The following PCDH7 variants were observed in gnomAD, a reference collection of about 807,000 sequenced individuals.
The protein encoded by PCDH7 is protocadherin-7.
PCDH7 carries 17 observed loss-of-function variants against 58.9 expected under a neutral mutation model. That is an observed-to-expected ratio of 0.29 (90% CI 0.20 to 0.43). The LOEUF is 0.43. Among genes scored for constraint, PCDH7 ranks in the 20% least tolerant of loss-of-function variants. The pLI, the probability that PCDH7 is intolerant of heterozygous loss-of-function variation, is 1.00. For missense variants in PCDH7, 1,274 were observed against 1,441.0 expected (o/e 0.88, Z 1.88); for synonymous variants, 664 against 616.4 (o/e 1.08, Z -1.14).
intron 1 of PCDH7, among the ~76,000 whole-genome samples, chr4:30,889,917 C>T (rs756986916): frequency 2.0e-5 from 3 of 152,110 alleles, no homozygotes; most frequent in Non-Finnish European, 4.4e-5. Flanking sequence ...GAAATTGATC[C>T]TAATATGCTA....
At chr4:30,903,895 T>C (rs764243039) in intron 1 of PCDH7, among the ~76,000 whole-genome samples, 1 of 152,176 alleles carries the variant, frequency 6.6e-6, no homozygotes, top group African/African-American at 2.4e-5. Context: ...AGTAAGACTA[T>C]AAAGACTATT....
intron 3 of PCDH7, among the ~76,000 whole-genome samples, chr4:31,094,069 T>A (rs1288841819): frequency 6.6e-6 from 1 of 152,098 alleles, no homozygotes; most frequent in Admixed American, 6.6e-5. Flanking sequence ...TTCCACATCC[T>A]CAAAATACTG....
chr4:30,915,338 A>G (rs1487058012), intron 1 of PCDH7, among the ~76,000 whole-genome samples: 1 of 152,180 alleles, frequency 6.6e-6, no homozygotes, highest in Non-Finnish European at 1.5e-5. Context: ...ATTGTTCCCC[A>G]GAGTTTAGAG....
At chr4:31,008,899 A>T (rs1752974857) in intron 3 of PCDH7, among the ~76,000 whole-genome samples, 1 of 151,988 alleles carries the variant, frequency 6.6e-6, no homozygotes, top group Non-Finnish European at 1.5e-5. Flanking sequence ...GTGTTCTCAA[A>T]TTTGCAGAGT....
At chr4:31,110,833 T>C (rs1716200960) in intron 3 of PCDH7, among the ~76,000 whole-genome samples, 1 of 151,398 alleles carries the variant, frequency 6.6e-6, no homozygotes, top group Non-Finnish European at 1.5e-5. Context: ...GAGAATGGTG[T>C]GAACCTGGGA....
intron 1 of PCDH7, among the ~76,000 whole-genome samples, chr4:30,831,230 A>G (rs1372624594): frequency 1.3e-5 from 2 of 152,038 alleles, no homozygotes; most frequent in Admixed American, 6.6e-5. Context: ...TTATGCCTGG[A>G]CAATTAAGAA....
chr4:30,854,921 G>C (rs916885403), intron 1 of PCDH7, among the ~76,000 whole-genome samples: 1 of 152,082 alleles, frequency 6.6e-6, no homozygotes, highest in South Asian at 2.1e-4. Context: ...AGGTAAAACA[G>C]GTATTATTAT....
intron 3 of PCDH7, among the ~76,000 whole-genome samples, chr4:31,109,915 T>C (rs772898537): frequency 1.1e-4 from 17 of 152,216 alleles, no homozygotes; most frequent in Non-Finnish European, 2.4e-4. Context: ...TTGACTTCAT[T>C]GGAGGCCCTC....
chr4:31,142,765 C>T (rs1238384230), exon 4 of PCDH7: 1 of 1,367,320 alleles, frequency 7.3e-7, no homozygotes, highest in South Asian at 1.1e-5. Flanking sequence ...AGGAAGCCAA[C>T]CCTGAGGATA....
chr4:30,757,594 A>G (rs1001953973), intron 1 of PCDH7, among the ~76,000 whole-genome samples: 2 of 152,102 alleles, frequency 1.3e-5, no homozygotes, highest in African/African-American at 4.8e-5. Context: ...TCCATTTCTC[A>G]GAAACACACT....
intron 1 of PCDH7, among the ~76,000 whole-genome samples, chr4:30,860,171 A>G (rs1418761331): frequency 1.3e-5 from 2 of 152,180 alleles, no homozygotes; most frequent in East Asian, 3.9e-4. Context: ...TAAGGTACAA[A>G]GAAGTTAAAT....
chr4:30,916,727 C>A (rs1160440977), intron 1 of PCDH7, among the ~76,000 whole-genome samples: 1 of 152,130 alleles, frequency 6.6e-6, no homozygotes, highest in Non-Finnish European at 1.5e-5. Context: ...TATTTTATAC[C>A]CTTAAAGAAC....
At chr4:30,939,522 T>C (rs1745770617) in intron 2 of PCDH7, among the ~76,000 whole-genome samples, 2 of 152,184 alleles carry the variant, frequency 1.3e-5, no homozygotes, top group African/African-American at 4.8e-5. Flanking sequence ...TACGTTGAAA[T>C]AGTATTTATT....
chr4:31,074,733 C>G (rs1282000700), intron 3 of PCDH7, among the ~76,000 whole-genome samples: 1 of 131,112 alleles, frequency 7.6e-6, no homozygotes, highest in Non-Finnish European at 1.5e-5. Context: ...TGCAGTGAGC[C>G]GAGATCACAC....
At chr4:31,081,534 A>C (rs955844598) in intron 3 of PCDH7, among the ~76,000 whole-genome samples, 1 of 152,172 alleles carries the variant, frequency 6.6e-6, no homozygotes, top group Non-Finnish European at 1.5e-5. Flanking sequence ...TCCCAATGAG[A>C]TGCCTCTACA....
chr4:31,107,715 T>G (rs1489950558), intron 3 of PCDH7, among the ~76,000 whole-genome samples: 1 of 152,092 alleles, frequency 6.6e-6, no homozygotes, highest in African/African-American at 2.4e-5. Context: ...CAGTTCTTAG[T>G]TGGGAGAAAT....
chr4:30,936,343 TTTA>T (rs1255872126), intron 2 of PCDH7, among the ~76,000 whole-genome samples: 1 of 152,010 alleles, frequency 6.6e-6, no homozygotes, highest in Non-Finnish European at 1.5e-5. Context: ...GCTTTTATTA[TTTA>T]TTATTTGCCA....
intron 1 of PCDH7, among the ~76,000 whole-genome samples, chr4:30,803,149 G>T (rs1199791372): frequency 1.3e-5 from 2 of 152,072 alleles, no homozygotes; most frequent in South Asian, 2.1e-4. Context: ...TTAAGAGGAG[G>T]TTTTGTGAGC....
chr4:30,872,957 T>G (rs1341558928), intron 1 of PCDH7, among the ~76,000 whole-genome samples: 1 of 152,090 alleles, frequency 6.6e-6, no homozygotes, highest in Non-Finnish European at 1.5e-5. Context: ...TGATAGCTAG[T>G]CACATTGACC....
Sources: allele counts gnomAD v4.1 joint callset (sites outside exome capture counted in the v4.1 genomes callset), GRCh38; gene constraint gnomAD v4.1.1; transcripts MANE v1.5; gene names NCBI Gene and HGNC (gene_info 2026-07-23, HGNC 2026-07-21).